Variants in C12orf42 observed in about 807,000 individuals in gnomAD.
C12orf42 encodes chromosome 12 open reading frame 42.
Under a neutral mutation model 21.6 loss-of-function variants are expected in C12orf42, and 25 were observed. That is an observed-to-expected ratio of 1.16 (90% CI 0.84 to 1.62). The LOEUF is 1.62. C12orf42 is among the 40% of genes most tolerant of loss of function. The probability of loss-of-function intolerance (pLI) is 0.00; values close to 1 mark genes in which losing one functional copy is unlikely to be tolerated. For missense variants in C12orf42, 483 were observed against 459.3 expected (o/e 1.05, Z -0.47); for synonymous variants, 174 against 175.0 (o/e 0.99, Z 0.05).
intron 4 of C12orf42, among the ~76,000 whole-genome samples, chr12:103,317,271 C>G (rs546236930): frequency 1.3e-5 from 2 of 152,154 alleles, no homozygotes; most frequent in Non-Finnish European, 2.9e-5. Context: ...GATATTCTTT[C>G]TCCCAATATC....
the C12orf42 span, among the ~76,000 whole-genome samples, chr12:103,532,551 T>C: frequency 6.6e-6 from 1 of 152,172 alleles, no homozygotes; most frequent in African/African-American, 2.4e-5. Flanking sequence ...AAAAAACATG[T>C]ATTTGATTGG....
the C12orf42 span, among the ~76,000 whole-genome samples, chr12:103,537,947 T>TA: frequency 6.6e-6 from 1 of 152,180 alleles, no homozygotes; most frequent in African/African-American, 2.4e-5. Flanking sequence ...TATGAATTTG[T>TA]AAAAAGAAAA....
chr12:103,447,684 CT>C (rs1797146782), intron 2 of C12orf42, among the ~76,000 whole-genome samples: 1 of 151,878 alleles, frequency 6.6e-6, no homozygotes, highest in South Asian at 2.1e-4. Flanking sequence ...AACTCAACCC[CT>C]TTTACAACAG....
the C12orf42 span, among the ~76,000 whole-genome samples, chr12:103,100,835 A>G: frequency 1.3e-5 from 2 of 152,302 alleles, no homozygotes. Flanking sequence ...AATAATCTGT[A>G]TAATAGTGTG....
chr12:103,264,840 T>A (rs2035084574), downstream of C12orf42, among the ~76,000 whole-genome samples: 1 of 152,150 alleles, frequency 6.6e-6, no homozygotes, highest in South Asian at 2.1e-4. Flanking sequence ...CATTTTTACA[T>A]CTTCTGGTTT....
the C12orf42 span, among the ~76,000 whole-genome samples, chr12:103,049,849 C>T: frequency 5.7e-4 from 86 of 152,212 alleles, 1 homozygote; most frequent in Admixed American, 1.6e-3. Flanking sequence ...TCAGATGTCA[C>T]CTTCTCAGCA....
intron 5 of C12orf42, among the ~76,000 whole-genome samples, chr12:103,271,800 T>C (rs1276028181): frequency 6.6e-6 from 1 of 152,180 alleles, no homozygotes; most frequent in Admixed American, 6.5e-5. Context: ...CATTGAATGG[T>C]TTCATTTGAT....
Position 103,322,121 on chromosome 12 carries a change from GCGCGCA to G in C12orf42, c.260-15782_260-15777del, listed in dbSNP as rs200908953. Among the ~76,000 whole-genome samples the G allele has an allele frequency of 0.02, 1,982 of 97,726 alleles. 87 individuals carry two copies. The East Asian group carries it at 0.23, about 11-fold the overall frequency. The allele number at this position is 97,726 out of a possible 152,430, so 64.1% of individuals were successfully genotyped here. The stretch of plus-strand genomic sequence containing the variant: ...TGTGCACGCGCGTGCGTGCGCGCGC[GCGCGCA>G]CACACACACACACACACACACACGC... On this transcript the variant is annotated intron_variant, in intron 4 of 5. Transcript: ENST00000548883.
chr12:103,477,172 G>A (rs1302183584), intron 2 of C12orf42, among the ~76,000 whole-genome samples: 3 of 152,364 alleles, frequency 2.0e-5, no homozygotes, highest in Non-Finnish European at 4.4e-5. Flanking sequence ...TGGAGCCACA[G>A]AGGAGTGGGA....
intron 4 of C12orf42, among the ~76,000 whole-genome samples, chr12:103,307,091 A>G (rs1282218951): frequency 2.6e-5 from 4 of 152,346 alleles, no homozygotes; most frequent in Middle Eastern, 3.4e-3. Context: ...GTAGCTTCCC[A>G]AACTGAGAGA....
At chr12:103,186,653 A>T in the C12orf42 span, among the ~76,000 whole-genome samples, 74 of 152,274 alleles carry the variant, frequency 4.9e-4, no homozygotes, top group East Asian at 0.012. Flanking sequence ...TAAAAATTTC[A>T]TGAAAAATCA....
At chr12:103,505,419 AACC>A in the C12orf42 span, 1 of 359,714 alleles carries the variant, frequency 2.8e-6, no homozygotes, top group Non-Finnish European at 5.2e-6. Context: ...ATTGACTGGT[AACC>A]ACCTGAGAAG....
At chr12:103,518,001 A>T in the C12orf42 span, among the ~76,000 whole-genome samples, 1 of 152,210 alleles carries the variant, frequency 6.6e-6, no homozygotes, top group Non-Finnish European at 1.5e-5. Context: ...GTGAAAAAAT[A>T]TGAGCAATAT....
intron 2 of C12orf42, among the ~76,000 whole-genome samples, chr12:103,409,523 G>A (rs1201993012): frequency 6.6e-6 from 1 of 152,048 alleles, no homozygotes; most frequent in African/African-American, 2.4e-5. Flanking sequence ...AGACAAGGAA[G>A]GCTCACTATG....
intron 4 of C12orf42, among the ~76,000 whole-genome samples, chr12:103,339,532 G>A (rs564675012): frequency 1.3e-5 from 2 of 152,220 alleles, no homozygotes; most frequent in East Asian, 3.9e-4. Flanking sequence ...GTGGACAAAG[G>A]ACATGAACAG....
chr12:103,531,911 A>G, the C12orf42 span, among the ~76,000 whole-genome samples: 89 of 152,366 alleles, frequency 5.8e-4, no homozygotes, highest in African/African-American at 2.0e-3. Flanking sequence ...CAGTTTATAT[A>G]TAACTTAGAT....
At chr12:103,485,661 G>A (rs992374868) in intron 1 of C12orf42, among the ~76,000 whole-genome samples, 3 of 152,156 alleles carry the variant, frequency 2.0e-5, no homozygotes, top group African/African-American at 7.2e-5. Flanking sequence ...GCAGTGGTTT[G>A]TAGTTCTCCT....
chr12:103,114,453 G>A, the C12orf42 span, among the ~76,000 whole-genome samples: 2 of 152,170 alleles, frequency 1.3e-5, no homozygotes, highest in Admixed American at 6.5e-5. Context: ...AGAAATGCAA[G>A]TTCTCAGGCT....
intron 4 of C12orf42, among the ~76,000 whole-genome samples, chr12:103,317,611 T>C (rs1409799818): frequency 6.6e-6 from 1 of 152,234 alleles, no homozygotes; most frequent in Non-Finnish European, 1.5e-5. Context: ...TGAATGTCTC[T>C]AGGCATTGGT....
Sources: gnomAD v4.1 joint callset for allele counts (sites outside exome capture counted in the v4.1 genomes callset) on GRCh38, gnomAD v4.1.1 for gene constraint, MANE v1.5 for transcripts, NCBI Gene and HGNC (gene_info 2026-07-23, HGNC 2026-07-21) for gene names.